Variants in ABLIM1 observed in about 807,000 individuals in gnomAD.
The protein encoded by ABLIM1 is actin-binding LIM protein 1.
ABLIM1 carries 40 observed loss-of-function variants against 107.0 expected under a neutral mutation model. The observed-to-expected ratio is 0.37, with a 90% confidence interval of 0.29 to 0.49. ABLIM1 has a LOEUF of 0.49. ABLIM1 is among the 20% of genes least tolerant of loss of function. The probability of loss-of-function intolerance (pLI) is 0.97; values close to 1 mark genes in which losing one functional copy is unlikely to be tolerated. For synonymous variants in ABLIM1, 357 were observed against 357.3 expected (o/e 1.00, Z 0.01); for missense variants, 857 against 1,008.5 (o/e 0.85, Z 2.04).
At chr10:114,613,568 T>G in intron 1 of ABLIM1, 1 of 779,142 alleles carries the variant, frequency 1.3e-6, no homozygotes, top group Admixed American at 2.4e-5. Context: ...ATTCAAGTGC[T>G]TATAAATTTC....
At chr10:114,665,809 G>C (rs1333683) in intron 1 of ABLIM1, among the ~76,000 whole-genome samples, 1 of 152,138 alleles carries the variant, frequency 6.6e-6, no homozygotes, top group Non-Finnish European at 1.5e-5. Flanking sequence ...CTGAGAAACT[G>C]AGACCCGGGA....
rs187089486 is a variant in ABLIM1, at chr10:114,545,829, G to A, written c.801-731C>T. Among the ~76,000 whole-genome samples, 947 of 151,176 alleles carry A rather than the reference G, an allele frequency of 6.3e-3. 10 individuals are homozygous for A. The highest frequency in any genetic ancestry group is 0.022 in the African/African-American group (894 of 41,148). On this transcript the variant is annotated intron_variant, in intron 5 of 22. Coordinates refer to ENST00000533213, the MANE Select transcript of ABLIM1 (RefSeq NM_002313.7). The stretch of plus-strand genomic sequence containing the variant: ...GCTGTAAGTCCCAGCTACCCAGAAG[G>A]CTGAGGCAGGAGAATTGCTTGAACC...
In ABLIM1 at chr10:114,468,205, A is replaced by T. The variant is rs371563425; in HGVS notation, c.1287T>A (p.Thr429=). The stretch of plus-strand genomic sequence containing the variant: ...CTTCTGCTGATGGAGTAGGAGACAA[A>T]GTCCTCGGAGACTAGAAAAATAAAA... ...ERQSLGESPR[T]LSPTPSAEGY... The change falls in exon 11 of 23, where the codon ACT becomes ACA. Residue 429 remains threonine (T), a synonymous_variant. Transcript: ENST00000533213. 2 of 1,612,734 alleles carry T rather than the reference A, an allele frequency of 1.2e-6. No individual in the cohort carries two copies. Among genetic ancestry groups the T allele is most frequent in the African/African-American group, 2.7e-5 (2 of 74,930 alleles).
chr10:114,544,929 G>A, intron 6 of ABLIM1, 76 bp downstream of exon 6: 1 of 1,332,950 alleles, frequency 7.5e-7, no homozygotes, highest in Non-Finnish European at 1.1e-6. Context: ...AGGTGGGAAA[G>A]GGTCCCCTCT....
At chr10:114,485,098 A>G (rs978958408) in intron 8 of ABLIM1, among the ~76,000 whole-genome samples, 5 of 152,280 alleles carry the variant, frequency 3.3e-5, no homozygotes, top group Admixed American at 1.3e-4. Context: ...ACAAAGCTTT[A>G]GCTGCTGCTC....
chr10:114,798,939 G>T, the ABLIM1 span, among the ~76,000 whole-genome samples: 1 of 152,040 alleles, frequency 6.6e-6, no homozygotes, highest in African/African-American at 2.4e-5. Flanking sequence ...GGGACTACAG[G>T]TGCGTGCCAC....
chr10:114,666,917 T>C (rs201750386), intron 1 of ABLIM1, among the ~76,000 whole-genome samples: 8 of 152,236 alleles, frequency 5.3e-5, no homozygotes, highest in African/African-American at 9.6e-5. Flanking sequence ...ATTGCTGTTT[T>C]AGAATCCAAG....
intron 1 of ABLIM1, among the ~76,000 whole-genome samples, chr10:114,636,273 C>T (rs1331992204): frequency 6.6e-6 from 1 of 152,140 alleles, no homozygotes; most frequent in Admixed American, 6.6e-5. Flanking sequence ...TGGTGAGGAG[C>T]AGGGAGAGGC....
At chr10:114,485,109 T>C (rs1430146292) in intron 8 of ABLIM1, among the ~76,000 whole-genome samples, 1 of 152,282 alleles carries the variant, frequency 6.6e-6, no homozygotes, top group Non-Finnish European at 1.5e-5. Flanking sequence ...GCTGCTGCTC[T>C]GAATGAAAAC....
the ABLIM1 span, among the ~76,000 whole-genome samples, chr10:114,781,133 T>C: frequency 4.2e-3 from 642 of 152,326 alleles, 8 homozygotes; most frequent in African/African-American, 0.015. Flanking sequence ...ACTAATGTTA[T>C]ATAAGTTGTG....
intron 1 of ABLIM1, among the ~76,000 whole-genome samples, chr10:114,694,902 T>C (rs1020659818): frequency 1.4e-4 from 21 of 152,144 alleles, no homozygotes; most frequent in African/African-American, 4.3e-4. Context: ...AACCCGGACA[T>C]TGAGCCGCAG....
chr10:114,582,584 G>A (rs921370024), intron 2 of ABLIM1, among the ~76,000 whole-genome samples: 7 of 152,196 alleles, frequency 4.6e-5, no homozygotes, highest in South Asian at 4.1e-4. Flanking sequence ...CAAAGCTAGC[G>A]GCATCACATT....
At chr10:114,799,131 C>T in the ABLIM1 span, among the ~76,000 whole-genome samples, 2 of 152,078 alleles carry the variant, frequency 1.3e-5, no homozygotes, top group Non-Finnish European at 2.9e-5. Flanking sequence ...AAAATAGGCT[C>T]GGCACTAGCA....
At chr10:114,521,925 G>C (rs2063806036) in intron 6 of ABLIM1, among the ~76,000 whole-genome samples, 1 of 152,164 alleles carries the variant, frequency 6.6e-6, no homozygotes, top group Non-Finnish European at 1.5e-5. Context: ...AGATGGCCTA[G>C]GGGTTGGGCA....
At chr10:114,585,815 G>A (rs71484947) in intron 2 of ABLIM1, among the ~76,000 whole-genome samples, 1,699 of 152,206 alleles carry the variant, frequency 0.011, 9 homozygotes, top group Non-Finnish European at 0.018. Context: ...CTGCATCCTT[G>A]AGACACAAAA....
intron 1 of ABLIM1, among the ~76,000 whole-genome samples, chr10:114,703,808 C>T (rs1373165748): frequency 6.6e-6 from 1 of 152,148 alleles, no homozygotes; most frequent in African/African-American, 2.4e-5. Context: ...CCAGAAGGGT[C>T]GCAGATAGAG....
chr10:114,792,012 C>T, the ABLIM1 span, among the ~76,000 whole-genome samples: 7 of 152,164 alleles, frequency 4.6e-5, no homozygotes, highest in Non-Finnish European at 1.0e-4. Flanking sequence ...AATGAGGAAA[C>T]GGAAGCAAAT....
At chr10:114,632,118 G>T (rs2078224504) in intron 1 of ABLIM1, 1 of 985,026 alleles carries the variant, frequency 1.0e-6, no homozygotes, top group African/African-American at 1.8e-5. Context: ...CCCCGCTATC[G>T]CCCCCGCGCT....
At chr10:114,670,617 C>T (rs1261229326) in intron 1 of ABLIM1, among the ~76,000 whole-genome samples, 2 of 152,184 alleles carry the variant, frequency 1.3e-5, no homozygotes, top group Non-Finnish European at 2.9e-5. Context: ...CTCAGCCTCC[C>T]GAGTAGCTGA....
Sources: allele counts gnomAD v4.1 joint callset (sites outside exome capture counted in the v4.1 genomes callset), GRCh38; gene constraint gnomAD v4.1.1; transcripts MANE v1.5; gene names NCBI Gene and HGNC (gene_info 2026-07-23, HGNC 2026-07-21).